The following PRKD2 variants were observed in gnomAD, a reference collection of about 807,000 sequenced individuals.
PRKD2 encodes serine/threonine-protein kinase D2.
In PRKD2, 22 loss-of-function variants were observed where a neutral mutation model predicts 86.0. The ratio of observed to expected loss-of-function variants is 0.26; its 90% CI spans 0.18 to 0.37. PRKD2 has a LOEUF of 0.37. Ranked by LOEUF, PRKD2 falls within the 10% of genes least tolerant of loss-of-function variation. The pLI is 1.00. For missense variants in PRKD2, 818 were observed against 1,199.2 expected (o/e 0.68, Z 4.70); for synonymous variants, 509 against 510.9 (o/e 1.00, Z 0.05).
In PRKD2 at chr19:46,675,087, C is replaced by T; in HGVS notation, c.2370G>A (p.Val790=). ...AIDLINNLLQ[V]KMRKRYSVDK... is the part of the protein sequence containing the mutation. ...CCACGCTGTAGCGTTTGCGCATCTT[C>T]ACCTGCAGCAGGTTGTTGATGAGGT... Residue 790 remains valine (V), a synonymous_variant, in exon 17 of 18, where the codon GTG becomes GTA. Coordinates refer to ENST00000291281, the MANE Select transcript of PRKD2 (RefSeq NM_016457.5). The T allele has an allele frequency of 6.2e-7, 1 of 1,611,698 alleles. No homozygotes were observed.
chr19:46,696,176 G>T (rs773595140), intron 9 of PRKD2, among the ~76,000 whole-genome samples: 15 of 152,160 alleles, frequency 9.9e-5, no homozygotes, highest in Non-Finnish European at 2.1e-4. Flanking sequence ...TGAGCAAAAT[G>T]GGAAGATGAT....
intron 14 of PRKD2, among the ~76,000 whole-genome samples, chr19:46,685,120 G>A (rs1467435621): frequency 6.7e-6 from 1 of 150,086 alleles, no homozygotes; most frequent in Non-Finnish European, 1.5e-5. Flanking sequence ...TTAGCCCGGT[G>A]TACTGGGACG....
rs111968779 is a variant in PRKD2, at chr19:46,680,486, G to A, written c.2070+1164C>T. Among the ~76,000 whole-genome samples the A allele has an allele frequency of 6.3e-3, 949 of 151,594 alleles. 5 individuals carry two copies. Among genetic ancestry groups the A allele is most frequent in the African/African-American group, 0.022 (905 of 41,308 alleles). ...GTATTTTTAGTAGAGACGGGGTTTC[G>A]CCATGTTAGCCAGACTGGTATCCAA... On this transcript the variant is annotated intron_variant, in intron 15 of 17. Coordinates refer to ENST00000291281, the MANE Select transcript of PRKD2 (RefSeq NM_016457.5).
chr19:46,697,395 C>A, intron 8 of PRKD2, 161 bp from the exon 9 acceptor site: 1 of 608,322 alleles, frequency 1.6e-6, no homozygotes, highest in Non-Finnish European at 2.9e-6. Flanking sequence ...ACGCCCTAAC[C>A]CCAGCCCCGC....
At chr19:46,679,340 CA>C (rs71340607) in intron 15 of PRKD2, among the ~76,000 whole-genome samples, 1 of 151,918 alleles carries the variant, frequency 6.6e-6, no homozygotes, top group East Asian at 1.9e-4. Flanking sequence ...AAAAAACAAA[CA>C]AAAAAAACAT....
intron 14 of PRKD2, among the ~76,000 whole-genome samples, chr19:46,683,756 G>A (rs1003141468): frequency 6.6e-6 from 1 of 152,010 alleles, no homozygotes; most frequent in African/African-American, 2.4e-5. Flanking sequence ...GTTGCTATAA[G>A]GTTTAAAGCA....
At chr19:46,708,981 T>TTTTG (rs1555831861) in intron 3 of PRKD2, among the ~76,000 whole-genome samples, 3 of 103,432 alleles carry the variant, frequency 2.9e-5, no homozygotes, top group South Asian at 3.8e-4. Context: ...GGTTTTTTTT[T>TTTTG]TTTTTTTTTT....
chr19:46,689,625 T>C lies in PRKD2; in HGVS notation c.1883A>G (p.Glu628Gly). Residue 628 changes from glutamate to glycine, a missense_variant, in exon 14 of 18, where the codon GAG (glutamate) becomes GGG (glycine). Glu to Gly is a moderately conservative substitution (Grantham distance 98). Around this residue, in one of 5 missense-constraint regions of PRKD2, gnomAD observed 154 missense variants for 359.6 expected, o/e 0.43. Transcript: ENST00000291281. Reference protein sequence around the residue: ...ETPEKVFVVMEKLHGDMLEMI... With the variant: ...ETPEKVFVVMGKLHGDMLEMI... ...CTCCAACATGTCCCCATGCAGCTTC[T>C]CCATCACCACAAACACTTTCTCAGG... is the stretch of plus-strand genomic sequence containing the variant. 2 of 1,614,132 alleles carry C rather than the reference T, an allele frequency of 1.2e-6. No individual in the cohort carries two copies. Among genetic ancestry groups the C allele is most frequent in the Non-Finnish European group, 8.5e-7 (1 of 1,180,008 alleles).
Position 46,691,724 on chromosome 19 carries a change from A to G in PRKD2, c.1702+11T>C. 1 of 1,612,112 alleles carries G rather than the reference A, an allele frequency of 6.2e-7. No individual in the cohort carries two copies. Among genetic ancestry groups the G allele is most frequent in the Non-Finnish European group, 8.5e-7 (1 of 1,179,844 alleles). On this transcript the variant is annotated intron_variant, in intron 12 of 17. Coordinates refer to ENST00000291281, the MANE Select transcript of PRKD2 (RefSeq NM_016457.5). Reference sequence around the variant, plus strand: ...GGGGCTCCCTCTGGGTTAGCTCTGAAGTGTCCTCACCTCCATAGACCACTC... The same window carrying G: ...GGGGCTCCCTCTGGGTTAGCTCTGAGGTGTCCTCACCTCCATAGACCACTC...
intron 7 of PRKD2, among the ~76,000 whole-genome samples, 158 bp from the exon 8 acceptor site, chr19:46,698,008 C>T (rs2053585917): frequency 6.6e-6 from 1 of 151,918 alleles, no homozygotes; most frequent in Admixed American, 6.6e-5. Flanking sequence ...CCGGGAGTTG[C>T]TTTTTGTTTG....
At chr19:46,701,715 C>T (rs2053638075) in intron 5 of PRKD2, among the ~76,000 whole-genome samples, 1 of 151,710 alleles carries the variant, frequency 6.6e-6, no homozygotes, top group Admixed American at 6.6e-5. Context: ...AGACTCTGAA[C>T]ACCCTAGGGC....
chr19:46,686,676 G>A (rs937835065), intron 14 of PRKD2, among the ~76,000 whole-genome samples: 16 of 150,076 alleles, frequency 1.1e-4, no homozygotes, highest in African/African-American at 3.4e-4. Flanking sequence ...AATAGGCCAG[G>A]CGCGGTGGCT....
intron 9 of PRKD2, among the ~76,000 whole-genome samples, chr19:46,696,954 G>C (rs1489375396): frequency 6.6e-6 from 1 of 152,058 alleles, no homozygotes; most frequent in Non-Finnish European, 1.5e-5. Flanking sequence ...AAGGGAACCT[G>C]CCCGGAGTCC....
Position 46,691,924 on chromosome 19 carries a change from G to A in PRKD2, c.1629+9C>T, listed in dbSNP as rs771405538. ...AGGGGAGGGCATCAGGTGGGGGCAG[G>A]AGTCTCACCACATTCTCTTGGATCT... is the stretch of plus-strand genomic sequence containing the variant. On this transcript the variant is annotated intron_variant, in intron 11 of 17. Transcript: ENST00000291281. 5.0e-6 allele frequency: 8 copies of A among 1,613,578 alleles called. No homozygotes were observed. In the African/African-American group the frequency reaches 5.3e-5, roughly 11 times the overall value.
chr19:46,715,174 AT>A (rs1172762559), intron 1 of PRKD2, among the ~76,000 whole-genome samples: 1 of 152,246 alleles, frequency 6.6e-6, no homozygotes, highest in Non-Finnish European at 1.5e-5. Context: ...ATATTTTAAT[AT>A]TCTAGGAGTC....
rs915919073 is a variant in PRKD2 at position 46,700,931 on chromosome 19, G to A, written c.989C>T (p.Thr330Ile). The A allele has an allele frequency of 1.2e-6, 2 of 1,614,236 alleles. No individual in the cohort carries two copies. Among genetic ancestry groups the A allele is most frequent in the Non-Finnish European group, 1.7e-6 (2 of 1,180,032 alleles). Residue 330 changes from threonine to isoleucine, a missense_variant, in exon 7 of 18, where the codon ACC becomes ATC. Thr to Ile is a moderately conservative substitution (Grantham distance 89). Coordinates refer to ENST00000291281, the MANE Select transcript of PRKD2 (RefSeq NM_016457.5). Reference protein sequence around the residue: ...INGDVPMEEATDFSEADKSAL... With the variant: ...INGDVPMEEAIDFSEADKSAL... ...GCTCTTGTCAGCCTCGCTGAAATCG[G>A]TGGCCTCCTCCATCGGCACATCTGT...
At chr19:46,712,792 A>G (rs1018425084) in intron 2 of PRKD2, among the ~76,000 whole-genome samples, 2 of 152,202 alleles carry the variant, frequency 1.3e-5, no homozygotes, top group African/African-American at 4.8e-5. Context: ...CCCACCCTCA[A>G]GAGGGACCAA....
intron 16 of PRKD2, chr19:46,677,108 G>C (rs1247013695): frequency 6.7e-6 from 1 of 148,318 alleles, no homozygotes; most frequent in African/African-American, 2.5e-5. Context: ...ATTACTCCAG[G>C]ACTCAAGTCA....
At chr19:46,697,026 C>T in intron 9 of PRKD2, 131 bp downstream of exon 9, 1 of 783,360 alleles carries the variant, frequency 1.3e-6, no homozygotes, top group Non-Finnish European at 2.2e-6. Context: ...GAGCTGGAAG[C>T]AGGGAGGCTG....
Sources: allele counts gnomAD v4.1 joint callset (sites outside exome capture counted in the v4.1 genomes callset), GRCh38; gene constraint gnomAD v4.1.1; regional missense constraint gnomAD v4.1.1; transcripts MANE v1.5; gene names NCBI Gene and HGNC (gene_info 2026-07-23, HGNC 2026-07-21).